GRID1: variants seen among roughly 807,000 people sequenced by gnomAD.
GRID1 encodes glutamate receptor ionotropic, delta-1.
GRID1 carries 28 observed loss-of-function variants against 98.0 expected under a neutral mutation model. The ratio of observed to expected loss-of-function variants is 0.29; its 90% CI spans 0.21 to 0.39. GRID1 has a LOEUF of 0.39. GRID1 is among the 10% of genes least tolerant of loss of function. The pLI is 1.00. For missense variants in GRID1, 1,111 were observed against 1,340.5 expected, an observed-to-expected ratio of 0.83 and a Z score of 2.67; for synonymous variants, 553 against 538.5, an observed-to-expected ratio of 1.03 and a Z score of -0.37.
At chr10:86,349,781 T>C (rs1409253045) in intron 2 of GRID1, among the ~76,000 whole-genome samples, 23 of 152,164 alleles carry the variant, frequency 1.5e-4, no homozygotes, top group Admixed American at 1.5e-3. Context: ...AGTCCCTCCA[T>C]CCTGTTGCCC....
intron 8 of GRID1, among the ~76,000 whole-genome samples, chr10:85,828,624 C>A (rs2131759206): frequency 1.3e-5 from 2 of 151,742 alleles, no homozygotes; most frequent in Middle Eastern, 6.8e-3. Flanking sequence ...TACTACTGAA[C>A]TGAAATGCAA....
intron 4 of GRID1, among the ~76,000 whole-genome samples, chr10:86,038,901 A>G (rs925913805): frequency 2.0e-5 from 3 of 152,154 alleles, no homozygotes; most frequent in Non-Finnish European, 4.4e-5. Context: ...AACAGGCTAA[A>G]TCTGTAACTC....
At chr10:86,278,715 A>G (rs111937855) in intron 2 of GRID1, among the ~76,000 whole-genome samples, 27 of 152,328 alleles carry the variant, frequency 1.8e-4, no homozygotes, top group African/African-American at 6.3e-4. Context: ...ACTAATGCTC[A>G]CTCAAGAAGA....
chr10:86,138,156 G>A (rs1034873998), intron 4 of GRID1, among the ~76,000 whole-genome samples: 6 of 152,100 alleles, frequency 3.9e-5, no homozygotes. Flanking sequence ...TAGACTACCT[G>A]GGCCAGCGCC....
In GRID1 at chr10:85,622,383, A is replaced by G. The variant is rs1421481643; in HGVS notation, c.2194-2350T>C. ...ATTTGCCTATTTGTAAACAGGGACTAAGTTCATCATTATATTTATTTTTTC... is the reference window on the plus strand; with the variant it reads ...ATTTGCCTATTTGTAAACAGGGACTGAGTTCATCATTATATTTATTTTTTC... On this transcript the variant is annotated intron_variant, in intron 13 of 15. Coordinates refer to ENST00000327946, the MANE Select transcript of GRID1 (RefSeq NM_017551.3). Among the ~76,000 whole-genome samples, 3 of 152,306 alleles carry G rather than the reference A, an allele frequency of 2.0e-5. No homozygotes were observed. The East Asian group carries it at 5.8e-4, about 29-fold the overall frequency.
chr10:85,657,737 C>T (rs1451591373), intron 12 of GRID1, among the ~76,000 whole-genome samples: 1 of 152,154 alleles, frequency 6.6e-6, no homozygotes, highest in Non-Finnish European at 1.5e-5. Flanking sequence ...GCCAAGGAGT[C>T]TGGGAATCAG....
intron 5 of GRID1, among the ~76,000 whole-genome samples, chr10:85,871,975 A>G (rs1564614690): frequency 6.6e-6 from 1 of 152,200 alleles, no homozygotes. Context: ...ATTGGAACCG[A>G]CAGACAGTCA....
chr10:86,154,211 G>A (rs1845211262), intron 3 of GRID1, among the ~76,000 whole-genome samples: 1 of 152,172 alleles, frequency 6.6e-6, no homozygotes, highest in South Asian at 2.1e-4. Flanking sequence ...CAGGAACGCT[G>A]GGTGAGGGGA....
chr10:86,310,320 A>G (rs1204308418), intron 2 of GRID1, among the ~76,000 whole-genome samples: 1 of 150,254 alleles, frequency 6.7e-6, no homozygotes, highest in Non-Finnish European at 1.5e-5. Flanking sequence ...ACTGTACCTC[A>G]AGGGGCTGCT....
intron 4 of GRID1, among the ~76,000 whole-genome samples, chr10:86,080,430 AGGGG>A (rs1843956481): frequency 8.7e-5 from 1 of 11,488 alleles, no homozygotes; most frequent in Non-Finnish European, 1.4e-4. Context: ...AGGGGAGGGG[AGGGG>A]AGGGGAGGGG....
chr10:85,985,478 C>G (rs1190701867), intron 4 of GRID1, among the ~76,000 whole-genome samples: 1 of 152,280 alleles, frequency 6.6e-6, no homozygotes, highest in East Asian at 1.9e-4. Context: ...TAGACGGTCA[C>G]CTTCAGAGGC....
chr10:85,983,538 G>A (rs976245041), intron 4 of GRID1, among the ~76,000 whole-genome samples: 2 of 152,196 alleles, frequency 1.3e-5, no homozygotes, highest in Non-Finnish European at 2.9e-5. Context: ...ACATCTTAAA[G>A]ATGAGAGAAC....
intron 3 of GRID1, among the ~76,000 whole-genome samples, chr10:86,156,075 C>A (rs867472497): frequency 6.6e-6 from 1 of 152,214 alleles, no homozygotes; most frequent in African/African-American, 2.4e-5. Context: ...CAACAAGCTG[C>A]AAAATTCGGA....
At chr10:85,802,146 T>C (rs1158646525) in intron 8 of GRID1, among the ~76,000 whole-genome samples, 1 of 152,038 alleles carries the variant, frequency 6.6e-6, no homozygotes, top group Non-Finnish European at 1.5e-5. Context: ...AGACATAATA[T>C]GGTAAGGATA....
intron 4 of GRID1, among the ~76,000 whole-genome samples, chr10:86,117,034 C>T (rs1407090833): frequency 6.6e-6 from 1 of 151,608 alleles, no homozygotes; most frequent in East Asian, 1.9e-4. Flanking sequence ...ACCACCATCA[C>T]CATCACCACC....
intron 4 of GRID1, among the ~76,000 whole-genome samples, chr10:85,971,545 A>G (rs996199622): frequency 3.3e-5 from 5 of 152,142 alleles, no homozygotes; most frequent in Admixed American, 6.5e-5. Flanking sequence ...AGTTCTGAAC[A>G]AGCCTTTTAC....
chr10:85,834,373 G>A (rs1416108468), intron 8 of GRID1, among the ~76,000 whole-genome samples: 1 of 152,068 alleles, frequency 6.6e-6, no homozygotes, highest in African/African-American at 2.4e-5. Flanking sequence ...CTGTCTTTCT[G>A]ACATAAAGAG....
rs1843592750 is a variant in GRID1 at position 86,057,615 on chromosome 10, C to T, written c.726+81204G>A. 1.3e-5 allele frequency among the ~76,000 whole-genome samples: 2 copies of T among 152,176 alleles called. 1 individual carries two copies. Among genetic ancestry groups the T allele is most frequent in the South Asian group, 4.1e-4 (2 of 4,820 alleles). ...TTTCCTTCAGTTCCTCGACTAACAT[C>T]CCTCAGCACAGAGGGATCAGTTTTC... On this transcript the variant is annotated intron_variant, in intron 4 of 15. Coordinates refer to ENST00000327946, the MANE Select transcript of GRID1 (RefSeq NM_017551.3).
intron 3 of GRID1, among the ~76,000 whole-genome samples, chr10:86,147,445 A>G (rs1237483020): frequency 1.3e-5 from 2 of 152,236 alleles, no homozygotes; most frequent in East Asian, 3.8e-4. Flanking sequence ...AAACTATACT[A>G]TAACGCTACA....
Sources: allele counts gnomAD v4.1 joint callset (sites outside exome capture counted in the v4.1 genomes callset), GRCh38; gene constraint gnomAD v4.1.1; transcripts MANE v1.5; gene names NCBI Gene and HGNC (gene_info 2026-07-23, HGNC 2026-07-21).